The following POLB variants were observed in gnomAD, a reference collection of about 807,000 sequenced individuals.
The protein encoded by POLB is 5'-dRP lyase.
In POLB, 37 loss-of-function variants were observed where a neutral mutation model predicts 52.7. The observed-to-expected ratio is 0.70, with a 90% CI of 0.54 to 0.92. The LOEUF is 0.92. POLB is among the 40% of genes least tolerant of loss of function. POLB has a pLI of 0.00. For synonymous variants in POLB, 138 were observed against 131.3 expected (o/e 1.05, Z -0.35); for missense variants, 313 against 400.8 (o/e 0.78, Z 1.87).
chr8:42,354,315 C>T, intron 6 of POLB: 1 of 411,770 alleles, frequency 2.4e-6, no homozygotes, highest in Non-Finnish European at 4.6e-6. Context: ...GCTTATTTTT[C>T]TCGATTTTAT....
intron 11 of POLB, among the ~76,000 whole-genome samples, chr8:42,366,062 T>C (rs1426768855): frequency 2.0e-5 from 3 of 149,652 alleles, no homozygotes; most frequent in African/African-American, 7.4e-5. Context: ...ATTGTGCCAG[T>C]GCATTCCAGC....
intron 9 of POLB, chr8:42,357,674 T>C (rs1328813366): frequency 3.1e-6 from 1 of 323,166 alleles, no homozygotes; most frequent in African/African-American, 2.1e-5. Flanking sequence ...TTTGGCCTTT[T>C]GGCTGGATGA....
At chr8:42,355,032 T>A (rs1823215409) in intron 6 of POLB, among the ~76,000 whole-genome samples, 1 of 152,088 alleles carries the variant, frequency 6.6e-6, no homozygotes, top group Non-Finnish European at 1.5e-5. Context: ...GATTCTGTTT[T>A]TTTTTGTTGT....
At position 42,349,003 on chromosome 8, in the gene POLB, ATT is replaced by A. The variant is rs755966560; in HGVS notation, c.187-10_187-9del. 1 of 1,510,202 alleles carries A rather than the reference ATT, an allele frequency of 6.6e-7. No homozygotes were observed. Among genetic ancestry groups the A allele is most frequent in the Admixed American group, 1.8e-5 (1 of 56,536 alleles). 93.6% of individuals were successfully genotyped at this position (1,510,202 alleles called of 1,614,324 possible). ...TATTCATATGACTTTTATATTTCTA[ATT>A]TTCCATGTAGCCTGGAGTAGGAACA... is the stretch of plus-strand genomic sequence containing the variant. On this transcript the variant is annotated splice_polypyrimidine_tract_variant and intron_variant, in intron 3 of 13. Transcript: ENST00000265421.
At chr8:42,339,170 G>T in intron 2 of POLB, 101 bp downstream of exon 2, 1 of 915,176 alleles carries the variant, frequency 1.1e-6, no homozygotes, top group African/African-American at 1.6e-5. Context: ...TGGTCCATCT[G>T]CAAGAGCGGG....
intron 2 of POLB, among the ~76,000 whole-genome samples, chr8:42,342,984 T>C (rs1303510250): frequency 6.6e-6 from 1 of 151,330 alleles, no homozygotes; most frequent in African/African-American, 2.4e-5. Context: ...AGGTCAGGAG[T>C]TGGAAACCAG....
chr8:42,359,521 AT>A (rs900964546), intron 9 of POLB, among the ~76,000 whole-genome samples: 14,744 of 110,532 alleles, frequency 0.13, 1,662 homozygotes, highest in African/African-American at 0.39. Context: ...CACCCGGCTA[AT>A]TTTTTTTTTT....
At chr8:42,357,028 A>G in intron 7 of POLB, 141 bp from the exon 8 acceptor site, 1 of 587,326 alleles carries the variant, frequency 1.7e-6, no homozygotes, top group South Asian at 2.2e-5. Flanking sequence ...TGCTGTTGTC[A>G]TCTCAGTGAA....
intron 6 of POLB, among the ~76,000 whole-genome samples, chr8:42,354,181 TCTATAA>T (rs571066484): frequency 3.0e-4 from 45 of 152,380 alleles, no homozygotes; most frequent in African/African-American, 8.2e-4. Context: ...ACTGTTGATA[TCTATAA>T]CTATATCTGT....
At chr8:42,351,637 C>G (rs1049610467) in intron 5 of POLB, among the ~76,000 whole-genome samples, 1 of 152,222 alleles carries the variant, frequency 6.6e-6, no homozygotes, top group Non-Finnish European at 1.5e-5. Context: ...TTTGGTTAAT[C>G]AGTAAGCTTC....
chr8:42,368,359 G>C (rs138978387), intron 11 of POLB, among the ~76,000 whole-genome samples: 3 of 152,314 alleles, frequency 2.0e-5, no homozygotes, highest in African/African-American at 7.2e-5. Flanking sequence ...CATAGGAACA[G>C]CTAAAGAATT....
At chr8:42,351,146 A>G (rs1020477587) in intron 5 of POLB, among the ~76,000 whole-genome samples, 2 of 152,146 alleles carry the variant, frequency 1.3e-5, no homozygotes, top group African/African-American at 4.8e-5. Context: ...GAGTGCTAGG[A>G]TTATAGGTGT....
intron 3 of POLB, among the ~76,000 whole-genome samples, chr8:42,345,607 AT>A (rs59187950): frequency 0.011 from 1,705 of 149,988 alleles, 47 homozygotes; most frequent in African/African-American, 0.04. Flanking sequence ...TGGATTTTGG[AT>A]TTTTTTTTTG....
At position 42,339,047 on chromosome 8, in the gene POLB, A is replaced by G. The variant is rs995264753; in HGVS notation, c.97A>G (p.Ile33Val). 7 of 1,613,770 alleles carry G rather than the reference A, an allele frequency of 4.3e-6. No individual in the cohort carries two copies. Among genetic ancestry groups the G allele is most frequent in the Non-Finnish European group, 4.2e-6 (5 of 1,179,764 alleles). ...CTTTGAGAAGAACGTGAGCCAAGCT[A>G]TCCACAAGTACAATGCTTACAGGTG... is the stretch of plus-strand genomic sequence containing the variant. ...ANFEKNVSQA[I>V]HKYNAYRKAA... Residue 33 changes from isoleucine to valine, a missense_variant, in exon 2 of 14, where the codon ATC becomes GTC. Around this residue, in one of 3 missense-constraint regions of POLB, gnomAD observed 54 missense variants for 63.4 expected, o/e 0.85. Transcript: ENST00000265421.
At chr8:42,340,611 C>T (rs535190245) in intron 2 of POLB, among the ~76,000 whole-genome samples, 14 of 152,344 alleles carry the variant, frequency 9.2e-5, no homozygotes, top group African/African-American at 2.6e-4. Context: ...TCTTTTCTTA[C>T]TTCTGTAGTT....
At chr8:42,366,834 A>G (rs1271392887) in intron 11 of POLB, among the ~76,000 whole-genome samples, 2 of 152,226 alleles carry the variant, frequency 1.3e-5, no homozygotes, top group Admixed American at 1.3e-4. Context: ...GATCAAAATT[A>G]AATAGTATAT....
At chr8:42,340,871 C>A (rs1371570319) in intron 2 of POLB, among the ~76,000 whole-genome samples, 4 of 152,118 alleles carry the variant, frequency 2.6e-5, no homozygotes, top group African/African-American at 9.7e-5. Context: ...TTCAAAATTA[C>A]AGAGATATTC....
At position 42,371,616 on chromosome 8, in the gene POLB, A is replaced by T; in HGVS notation, c.967A>T (p.Ile323Phe). 6.2e-7 allele frequency: 1 copy of T among 1,613,224 alleles called. No individual in the cohort carries two copies. Among genetic ancestry groups the T allele is most frequent in the Non-Finnish European group, 8.5e-7 (1 of 1,179,306 alleles). ...TAGTGAAAAAGACATCTTTGATTACATCCAGTGGAAATACCGGGAACCCAA... is the reference window on the plus strand; with the variant it reads ...TAGTGAAAAAGACATCTTTGATTACTTCCAGTGGAAATACCGGGAACCCAA... ...VDSEKDIFDYIQWKYREPKDR... is the reference protein window; with the variant it reads ...VDSEKDIFDYFQWKYREPKDR... Residue 323 changes from isoleucine to phenylalanine, a missense_variant, in exon 14 of 14, where the codon ATC (isoleucine) becomes TTC (phenylalanine). Physicochemically the swap from Ile to Phe is conservative, Grantham distance 21. This residue lies in a region of POLB where 246 missense variants were observed against 297.6 expected (regional missense o/e 0.83). Coordinates refer to ENST00000265421, the MANE Select transcript of POLB (RefSeq NM_002690.3).
intron 3 of POLB, among the ~76,000 whole-genome samples, chr8:42,345,836 A>G (rs186650936): frequency 6.6e-6 from 1 of 152,332 alleles, no homozygotes; most frequent in East Asian, 1.9e-4. Context: ...TGTCTCATCT[A>G]AATCTTACTA....
Sources: gnomAD v4.1 joint callset for allele counts (sites outside exome capture counted in the v4.1 genomes callset) on GRCh38, gnomAD v4.1.1 for gene constraint, gnomAD v4.1.1 regional missense constraint, MANE v1.5 for transcripts, NCBI Gene and HGNC (gene_info 2026-07-23, HGNC 2026-07-21) for gene names.